The following HEXB variants were observed in gnomAD, a reference collection of about 807,000 sequenced individuals.
HEXB encodes beta-hexosaminidase subunit beta.
In HEXB, 51 loss-of-function variants were observed where a neutral mutation model predicts 71.2. The ratio of observed to expected loss-of-function variants is 0.72; its 90% CI spans 0.57 to 0.90. The LOEUF (loss-of-function observed/expected upper bound fraction) is 0.90, where lower values mean the gene tolerates loss of function less well. HEXB is among the 40% of genes least tolerant of loss of function. HEXB has a pLI of 0.00. For synonymous variants in HEXB, 266 were observed against 249.3 expected (o/e 1.07, Z -0.63); for missense variants, 617 against 677.0 (o/e 0.91, Z 0.98).
rs776353626 is a variant in HEXB at position 74,689,420 on chromosome 5, TC to T, written c.393del (p.Thr132ProfsTer22). The T allele has an allele frequency of 6.2e-7, 1 of 1,613,576 alleles. No homozygotes were observed. The highest frequency in any genetic ancestry group is 1.1e-5 in the South Asian group (1 of 91,076). ...CAGGTTCAGCAACTTCTTGTCTCAATCACCCTTCAGTCAGAGTGTGATGCTT... is the reference window on the plus strand; with the variant it reads ...CAGGTTCAGCAACTTCTTGTCTCAATACCCTTCAGTCAGAGTGTGATGCTT... ...KTQVQQLLVS[I>X]TLQSECDAFP... On this transcript the variant is annotated frameshift_variant, in exon 2 of 14. Transcript: ENST00000261416. LOFTEE classifies it high-confidence loss of function.
rs2112129230 is a variant in HEXB, at chr5:74,689,409, T to C, written c.381T>C (p.Leu127=). 6.2e-7 allele frequency: 1 copy of C among 1,613,542 alleles called. No individual in the cohort carries two copies. The highest frequency in any genetic ancestry group is 1.6e-4 in the Middle Eastern group (1 of 6,062). ...AGGCTAAAACCCAGGTTCAGCAACT[T>C]CTTGTCTCAATCACCCTTCAGTCAG... ...EFQAKTQVQQ[L]LVSITLQSEC... is the part of the protein sequence containing the mutation. The change falls in exon 2 of 14, where the codon CTT becomes CTC. Residue 127 remains leucine, a synonymous_variant. Coordinates refer to ENST00000261416, the MANE Select transcript of HEXB (RefSeq NM_000521.4).
At chr5:74,651,344 C>A (rs1393569077) in intron 1 of HEXB, among the ~76,000 whole-genome samples, 1 of 152,212 alleles carries the variant, frequency 6.6e-6, no homozygotes, top group Admixed American at 6.5e-5. Flanking sequence ...AGTAATGTAA[C>A]TATTTATAGC....
At chr5:74,708,504 TAAAG>T (rs1749459415) in intron 6 of HEXB, among the ~76,000 whole-genome samples, 2 of 151,086 alleles carry the variant, frequency 1.3e-5, no homozygotes, top group African/African-American at 2.4e-5. Context: ...GCAAATTGGA[TAAAG>T]AGTCAAGACC....
At chr5:74,704,418 T>C (rs1749333725) in intron 5 of HEXB, among the ~76,000 whole-genome samples, 1 of 152,130 alleles carries the variant, frequency 6.6e-6, no homozygotes, top group African/African-American at 2.4e-5. Flanking sequence ...AAATATTATA[T>C]TGGTTATTCC....
intron 1 of HEXB, among the ~76,000 whole-genome samples, chr5:74,685,870 A>G (rs1748859200): frequency 6.6e-6 from 1 of 152,114 alleles, no homozygotes; most frequent in East Asian, 1.9e-4. Context: ...GCTGGGGAGG[A>G]AAGTGACAGC....
At chr5:74,658,193 G>T (rs905605573) in intron 1 of HEXB, among the ~76,000 whole-genome samples, 2 of 152,098 alleles carry the variant, frequency 1.3e-5, no homozygotes, top group Admixed American at 1.3e-4. Flanking sequence ...GGGCATTCCT[G>T]GTGAGAAGGA....
At chr5:74,668,765 T>A (rs1325493399) in intron 1 of HEXB, among the ~76,000 whole-genome samples, 1 of 152,252 alleles carries the variant, frequency 6.6e-6, no homozygotes, top group Non-Finnish European at 1.5e-5. Flanking sequence ...AATGTTCTGA[T>A]GGTCTCCAAT....
At chr5:74,679,830 G>A (rs1197241479) in intron 1 of HEXB, among the ~76,000 whole-genome samples, 2 of 94,512 alleles carry the variant, frequency 2.1e-5, no homozygotes, top group Admixed American at 1.9e-4. Flanking sequence ...AAAAAAGTAT[G>A]GCTTTCAGGC....
At position 74,658,589 on chromosome 5, in the gene HEXB, C is replaced by T. The variant is rs533807865; in HGVS notation, c.-377+18031C>T. Among the ~76,000 whole-genome samples, 6 of 151,844 alleles carry T rather than the reference C, an allele frequency of 4.0e-5. No individual in the cohort carries two copies. In the East Asian group the frequency reaches 9.7e-4, roughly 25 times the overall value. On this transcript the variant is annotated intron_variant, in intron 1 of 13. Coordinates refer to the HEXB transcript ENST00000511181. ...ATCAGTCATGCATATGTCTCGGGGC[C>T]GCAATAAAACTCCTGAACACTGAGG...
chr5:74,651,595 A>G (rs1748111610), intron 1 of HEXB, among the ~76,000 whole-genome samples: 1 of 152,226 alleles, frequency 6.6e-6, no homozygotes, highest in African/African-American at 2.4e-5. Context: ...AAATAGGACC[A>G]CATTCAGGGA....
At chr5:74,684,203 G>C (rs1383435875), upstream of HEXB, among the ~76,000 whole-genome samples, 2 of 152,154 alleles carry the variant, frequency 1.3e-5, no homozygotes, top group Non-Finnish European at 2.9e-5. Context: ...CTGTGGTTTT[G>C]GTCTGCCTAG....
intron 13 of HEXB, 90 bp downstream of exon 13, chr5:74,720,837 C>A: frequency 1.9e-6 from 2 of 1,038,734 alleles, no homozygotes; most frequent in South Asian, 1.3e-5. Context: ...TGTTACCTAA[C>A]AAATAGTAAT....
At chr5:74,710,871 A>G (rs1749523897) in intron 6 of HEXB, among the ~76,000 whole-genome samples, 1 of 152,162 alleles carries the variant, frequency 6.6e-6, no homozygotes, top group Non-Finnish European at 1.5e-5. Context: ...AAGGTAATTT[A>G]TAGATTCAAT....
intron 2 of HEXB, among the ~76,000 whole-genome samples, chr5:74,690,629 G>C (rs1748978259): frequency 9.2e-6 from 1 of 108,346 alleles, no homozygotes; most frequent in Admixed American, 1.4e-4. Context: ...TCCAGCCTGG[G>C]GGACAGAGTG....
intron 1 of HEXB, among the ~76,000 whole-genome samples, chr5:74,674,353 C>T (rs1014421751): frequency 3.3e-5 from 5 of 151,884 alleles, no homozygotes; most frequent in East Asian, 1.9e-4. Flanking sequence ...CCTGTAATCC[C>T]GGCACTTTGG....
rs548058742 is a variant in HEXB, at chr5:74,650,650, G to A, written c.-377+10092G>A. Among the ~76,000 whole-genome samples, 3 of 152,206 alleles carry A rather than the reference G, an allele frequency of 2.0e-5. 1 individual carries two copies. The highest frequency in any genetic ancestry group is 4.1e-4 in the South Asian group (2 of 4,824). On this transcript the variant is annotated intron_variant, in intron 1 of 13. Coordinates refer to the HEXB transcript ENST00000511181. ...TAAAAGTCAACTGCAGGCCAGGCGC[G>A]GTGGCTCACGCCTGTCATCCCAGCA...
chr5:74,651,238 G>A (rs1353533193), intron 1 of HEXB, among the ~76,000 whole-genome samples: 1 of 152,228 alleles, frequency 6.6e-6, no homozygotes, highest in African/African-American at 2.4e-5. Context: ...TTGCTAAATG[G>A]TGGCATTTCA....
Position 74,652,478 on chromosome 5 carries a change from T to C in HEXB, c.-377+11920T>C, listed in dbSNP as rs988548267. Among the ~76,000 whole-genome samples the C allele has an allele frequency of 1.3e-5, 2 of 152,234 alleles. No homozygotes were observed. The highest frequency in any genetic ancestry group is 1.3e-4 in the Admixed American group (2 of 15,282). On this transcript the variant is annotated intron_variant, in intron 1 of 13. Coordinates refer to the HEXB transcript ENST00000511181. This position sits in a 1 kb window ranked among gnomAD's most constrained non-coding sequence, Gnocchi z 5.4. Reference sequence around the variant, plus strand: ...TTGCAGCCGCTCCCATGTGTTGGGATGTTTTGCAAAATTTTTTACATTCAA... The same window carrying C: ...TTGCAGCCGCTCCCATGTGTTGGGACGTTTTGCAAAATTTTTTACATTCAA...
At chr5:74,714,081 C>T (rs942039121) in intron 7 of HEXB, among the ~76,000 whole-genome samples, 4 of 152,224 alleles carry the variant, frequency 2.6e-5, no homozygotes, top group African/African-American at 7.2e-5. Context: ...ATGATCGGCC[C>T]GCCTCGGCCT....
Sources: gnomAD v4.1 joint callset for allele counts (sites outside exome capture counted in the v4.1 genomes callset) on GRCh38, gnomAD v4.1.1 for gene constraint, Gnocchi (gnomAD v3.1) non-coding constraint, MANE v1.5 for transcripts, NCBI Gene and HGNC (gene_info 2026-07-23, HGNC 2026-07-21) for gene names.